Variants in SPMIP10 observed in about 807,000 individuals in gnomAD.
SPMIP10 encodes sperm microtubule inner protein 10.
the SPMIP10 span, among the ~76,000 whole-genome samples, chr5:126,635,626 T>C: frequency 2.0e-3 from 308 of 152,276 alleles, 1 homozygote; most frequent in African/African-American, 7.2e-3. Flanking sequence ...TGTTCCTCTG[T>C]TCAGCAGAGC....
At chr5:126,631,970 A>G in the SPMIP10 span, 2 of 597,900 alleles carry the variant, frequency 3.3e-6, no homozygotes, top group African/African-American at 3.8e-5. Flanking sequence ...GGGAAAGCAA[A>G]TCTGACCTGA....
chr5:126,634,288 C>T, the SPMIP10 span, among the ~76,000 whole-genome samples: 11 of 152,108 alleles, frequency 7.2e-5, no homozygotes, highest in Admixed American at 3.3e-4. Context: ...AAAAATTAGC[C>T]GGGCATGATG....
chr5:126,635,678 T>C, the SPMIP10 span, among the ~76,000 whole-genome samples: 2 of 152,172 alleles, frequency 1.3e-5, no homozygotes. Flanking sequence ...ATTGGGAAAC[T>C]TCCATCATTT....
chr5:126,631,838 T>C, the SPMIP10 span: 2 of 1,548,332 alleles, frequency 1.3e-6, no homozygotes. Context: ...TTTATGGGAT[T>C]CTGGGGTTTT....
the SPMIP10 span, among the ~76,000 whole-genome samples, chr5:126,634,144 A>G: frequency 4.6e-5 from 7 of 151,666 alleles, no homozygotes; most frequent in African/African-American, 1.7e-4. Context: ...GTTTTAAAAC[A>G]TTTTCTGGCT....
the SPMIP10 span, chr5:126,631,796 A>C: frequency 1.2e-6 from 2 of 1,611,180 alleles, no homozygotes; most frequent in Non-Finnish European, 1.7e-6. Context: ...TGCTCTGATG[A>C]GAGTCTCTAT....
chr5:126,635,171 A>AAT, the SPMIP10 span, among the ~76,000 whole-genome samples: 7,472 of 139,968 alleles, frequency 0.053, 247 homozygotes, highest in Admixed American at 0.074. Flanking sequence ...CCGTCTGTGA[A>AAT]ATATATATAT....
chr5:126,633,955 G>C, the SPMIP10 span, among the ~76,000 whole-genome samples: 1 of 152,026 alleles, frequency 6.6e-6, no homozygotes, highest in Middle Eastern at 3.2e-3. Context: ...CACTGTACCC[G>C]GCTCCAGTCA....
the SPMIP10 span, among the ~76,000 whole-genome samples, chr5:126,633,820 T>C: frequency 1.3e-5 from 2 of 151,900 alleles, no homozygotes; most frequent in Admixed American, 1.3e-4. Flanking sequence ...CATGCCACCA[T>C]GCCCGGAGAG....
chr5:126,632,749 A>G, the SPMIP10 span: 1 of 728,436 alleles, frequency 1.4e-6, no homozygotes, highest in South Asian at 1.6e-5. Context: ...GCACTTTGGG[A>G]GACCGAGGCG....
the SPMIP10 span, chr5:126,632,680 GA>G: frequency 2.2e-6 from 3 of 1,388,036 alleles, no homozygotes; most frequent in Non-Finnish European, 3.1e-6. Flanking sequence ...CACACATAAG[GA>G]AAAAAAACAA....
At chr5:126,633,008 C>CATACATATATATATATAT in the SPMIP10 span, among the ~76,000 whole-genome samples, 1 of 125,368 alleles carries the variant, frequency 8.0e-6, no homozygotes, top group African/African-American at 3.9e-5. Context: ...ATAAATTTTA[C>CATACATATATATATATAT]ATATATATAT....
At chr5:126,633,033 A>ATAT in the SPMIP10 span, among the ~76,000 whole-genome samples, 1 of 145,338 alleles carries the variant, frequency 6.9e-6, no homozygotes, top group Non-Finnish European at 1.5e-5. Flanking sequence ...ATATATATAT[A>ATAT]ATTTAGTATG....
chr5:126,633,612 G>A, the SPMIP10 span, among the ~76,000 whole-genome samples: 3 of 151,848 alleles, frequency 2.0e-5, no homozygotes, highest in Non-Finnish European at 2.9e-5. Context: ...CTACTGCCTC[G>A]GCCTTCCAAA....
the SPMIP10 span, chr5:126,631,865 C>A: frequency 1.6e-6 from 2 of 1,232,438 alleles, no homozygotes; most frequent in Non-Finnish European, 2.4e-6. Context: ...GCTTGTTTTG[C>A]AACCTGGGAG....
At chr5:126,632,258 TAAAAAAA>T in the SPMIP10 span, among the ~76,000 whole-genome samples, 6,237 of 56,996 alleles carry the variant, frequency 0.11, 237 homozygotes, top group East Asian at 0.23. Flanking sequence ...TCCATCTCAT[TAAAAAAA>T]AAAAAAAAAA....
At chr5:126,632,523 C>A in the SPMIP10 span, 1 of 1,334,580 alleles carries the variant, frequency 7.5e-7, no homozygotes, top group Non-Finnish European at 1.1e-6. Flanking sequence ...CACAAGATGT[C>A]TTCTTGCTTT....
chr5:126,634,261 A>C, the SPMIP10 span, among the ~76,000 whole-genome samples: 2 of 152,176 alleles, frequency 1.3e-5, no homozygotes, highest in East Asian at 3.9e-4. Flanking sequence ...GTGAAACCCC[A>C]TCTCTACTAA....
the SPMIP10 span, among the ~76,000 whole-genome samples, chr5:126,634,152 G>C: frequency 3.9e-5 from 6 of 152,034 alleles, no homozygotes; most frequent in African/African-American, 1.4e-4. Context: ...ACATTTTCTG[G>C]CTGGCGTGGT....
Sources: gnomAD v4.1 joint callset for allele counts (sites outside exome capture counted in the v4.1 genomes callset) on GRCh38, gnomAD v4.1.1 for gene constraint, MANE v1.5 for transcripts, NCBI Gene and HGNC (gene_info 2026-07-23, HGNC 2026-07-21) for gene names.